The following TBC1D22A variants were observed in gnomAD, a reference collection of about 807,000 sequenced individuals.
The protein encoded by TBC1D22A is putative GTPase activator.
TBC1D22A carries 38 observed loss-of-function variants against 60.2 expected under a neutral mutation model. The observed-to-expected ratio is 0.63, with a 90% CI of 0.49 to 0.83. TBC1D22A has a LOEUF of 0.83. Ranked by LOEUF, TBC1D22A falls within the 40% of genes least tolerant of loss-of-function variation. The pLI is 0.00. For synonymous variants in TBC1D22A, 302 were observed against 281.7 expected, an observed-to-expected ratio of 1.07 and a Z score of -0.72; for missense variants, 628 against 701.0, an observed-to-expected ratio of 0.90 and a Z score of 1.18.
intron 11 of TBC1D22A, among the ~76,000 whole-genome samples, chr22:47,090,014 T>C (rs1308976712): frequency 6.6e-6 from 1 of 152,130 alleles, no homozygotes; most frequent in Non-Finnish European, 1.5e-5. Context: ...TGGCATTCGC[T>C]CACCCTCTGG....
In TBC1D22A at chr22:46,954,092, G is replaced by A. The variant is rs114230723; in HGVS notation, c.1016-20198G>A. 5.4e-3 allele frequency among the ~76,000 whole-genome samples: 823 copies of A among 152,300 alleles called. 2 individuals carry two copies. The highest frequency in any genetic ancestry group is 0.018 in the African/African-American group (752 of 41,558). The stretch of plus-strand genomic sequence containing the variant: ...ACGGTCACACTAGTGTAGTTAAAAT[G>A]CTGTTACCACAGTAGCAAGTCCACA... On this transcript the variant is annotated intron_variant, in intron 8 of 12. Transcript: ENST00000337137.
At chr22:47,097,552 A>T (rs1263286725) in intron 11 of TBC1D22A, among the ~76,000 whole-genome samples, 1 of 152,116 alleles carries the variant, frequency 6.6e-6, no homozygotes, top group East Asian at 1.9e-4. Context: ...CGGAGCTTGC[A>T]GTGAGCTGAG....
chr22:46,893,546 G>A (rs1417451142), intron 6 of TBC1D22A, among the ~76,000 whole-genome samples: 1 of 152,230 alleles, frequency 6.6e-6, no homozygotes, highest in South Asian at 2.1e-4. Flanking sequence ...TGCAGAGGTG[G>A]CTCAGACCTG....
At chr22:46,872,503 TG>T (rs146647430) in intron 4 of TBC1D22A, among the ~76,000 whole-genome samples, 12,973 of 152,220 alleles carry the variant, frequency 0.085, 743 homozygotes, top group Non-Finnish European at 0.13. Context: ...GCTAGAAAAC[TG>T]GACCAGATAT....
chr22:46,839,587 A>T (rs1264179166), intron 4 of TBC1D22A, among the ~76,000 whole-genome samples: 1 of 152,252 alleles, frequency 6.6e-6, no homozygotes, highest in African/African-American at 2.4e-5. Flanking sequence ...CAAAAAGAAG[A>T]AAAACAATCC....
chr22:46,787,108 G>A (rs2084191465), intron 1 of TBC1D22A, among the ~76,000 whole-genome samples: 1 of 151,946 alleles, frequency 6.6e-6, no homozygotes, highest in Admixed American at 6.6e-5. Context: ...TTTATTTGTT[G>A]GTGTACAGTT....
chr22:46,793,806 A>G lies in TBC1D22A; in HGVS notation c.425A>G (p.Lys142Arg), dbSNP rs1484416151. Residue 142 changes from lysine (K) to arginine (R), a missense_variant, in exon 3 of 13, where the codon AAG (lysine) becomes AGG (arginine). Lys to Arg is a conservative substitution (Grantham distance 26). Coordinates refer to ENST00000337137, the MANE Select transcript of TBC1D22A (RefSeq NM_014346.5). Reference protein sequence around the residue: ...SPPSGDLRLVKSVSESHTSCP... With the variant: ...SPPSGDLRLVRSVSESHTSCP... Reference sequence around the variant, plus strand: ...CCCAGCGGCGACCTCCGGCTGGTGAAGTCGGTCAGTGAGAGCCACACGTCC... The same window carrying G: ...CCCAGCGGCGACCTCCGGCTGGTGAGGTCGGTCAGTGAGAGCCACACGTCC... 3 of 1,595,184 alleles carry G rather than the reference A, an allele frequency of 1.9e-6. No homozygotes were observed. The highest frequency in any genetic ancestry group is 1.7e-6 in the Non-Finnish European group (2 of 1,171,430).
chr22:46,829,357 A>G (rs1452545681), intron 4 of TBC1D22A, among the ~76,000 whole-genome samples: 2 of 152,088 alleles, frequency 1.3e-5, no homozygotes, highest in South Asian at 2.1e-4. Context: ...TTGAAAATGT[A>G]TGTTGTGGAA....
chr22:47,005,266 A>C (rs1464027737), intron 10 of TBC1D22A, among the ~76,000 whole-genome samples: 2 of 151,342 alleles, frequency 1.3e-5, no homozygotes, highest in African/African-American at 2.4e-5. Flanking sequence ...CACACCCCCT[A>C]CACACATGCC....
chr22:47,120,209 T>C (rs989864654), intron 12 of TBC1D22A, among the ~76,000 whole-genome samples: 1 of 152,150 alleles, frequency 6.6e-6, no homozygotes, highest in African/African-American at 2.4e-5. Context: ...TTCCTGAGTT[T>C]AATGAAAAGA....
intron 8 of TBC1D22A, among the ~76,000 whole-genome samples, chr22:46,944,438 T>G (rs529762343): frequency 2.0e-5 from 3 of 152,200 alleles, no homozygotes; most frequent in East Asian, 1.9e-4. Context: ...TTGCTCCGTC[T>G]CCCAGGCTGG....
intron 11 of TBC1D22A, among the ~76,000 whole-genome samples, chr22:47,064,564 C>G (rs1448141425): frequency 6.6e-6 from 1 of 152,226 alleles, no homozygotes; most frequent in Non-Finnish European, 1.5e-5. Flanking sequence ...TTAAACGTGG[C>G]TTTAAGGCCA....
In TBC1D22A at chr22:46,762,656, G is replaced by C. The variant is rs972599832; in HGVS notation, c.-131G>C. ...ACAACTTCCGGAAGGAGGCGGAAGA[G>C]CTTCTCGGCTCTAGGCTCTGGAGTC... On this transcript the variant is annotated 5_prime_UTR_variant, in exon 1 of 13. Transcript: ENST00000337137. The C allele has an allele frequency of 2.8e-6, 2 of 710,030 alleles. No homozygotes were observed. Among genetic ancestry groups the C allele is most frequent in the Non-Finnish European group, 4.1e-6 (2 of 484,550 alleles). 44.0% of individuals were successfully genotyped at this position (710,030 alleles called of 1,614,324 possible). A position where few individuals can be genotyped will look rare whatever the true frequency, so the allele number is the denominator to read the frequency against.
chr22:46,980,490 A>G (rs1055763559), intron 9 of TBC1D22A, among the ~76,000 whole-genome samples: 23 of 152,248 alleles, frequency 1.5e-4, no homozygotes, highest in African/African-American at 5.3e-4. Flanking sequence ...GCTAGAAATC[A>G]CAGATTTTAA....
intron 11 of TBC1D22A, among the ~76,000 whole-genome samples, chr22:47,074,655 C>A (rs1446505393): frequency 6.6e-6 from 1 of 152,178 alleles, no homozygotes; most frequent in Admixed American, 6.5e-5. Flanking sequence ...TTGATAGCCA[C>A]CCCCTCGGGG....
intron 10 of TBC1D22A, among the ~76,000 whole-genome samples, chr22:47,034,156 G>A (rs563111472): frequency 2.6e-5 from 4 of 152,310 alleles, no homozygotes; most frequent in South Asian, 2.1e-4. Context: ...TTAATAAAGC[G>A]GCAGTGGATT....
intron 10 of TBC1D22A, among the ~76,000 whole-genome samples, chr22:47,002,779 G>T (rs1433667660): frequency 6.6e-6 from 1 of 152,164 alleles, no homozygotes; most frequent in Non-Finnish European, 1.5e-5. Context: ...GTTCTGGTGG[G>T]CTCCACCCTC....
At chr22:47,163,256 C>T (rs1281005688) in intron 12 of TBC1D22A, among the ~76,000 whole-genome samples, 1 of 152,188 alleles carries the variant, frequency 6.6e-6, no homozygotes, top group Non-Finnish European at 1.5e-5. Context: ...CCCTCTTTGT[C>T]TGGCATCCAG....
intron 4 of TBC1D22A, among the ~76,000 whole-genome samples, chr22:46,805,197 A>G: frequency 6.6e-6 from 1 of 152,168 alleles, no homozygotes; most frequent in African/African-American, 2.4e-5. Flanking sequence ...CATGCATGGC[A>G]CATTCTCAGG....
Sources: allele counts gnomAD v4.1 joint callset (sites outside exome capture counted in the v4.1 genomes callset), GRCh38; gene constraint gnomAD v4.1.1; transcripts MANE v1.5; gene names NCBI Gene and HGNC (gene_info 2026-07-23, HGNC 2026-07-21).